PABPC4L: variants seen among roughly 807,000 people sequenced by gnomAD.
PABPC4L encodes the protein polyadenylate-binding protein 4-like.
For missense variants in PABPC4L, 452 were observed against 451.4 expected (o/e 1.00, Z -0.01); for synonymous variants, 169 against 164.1 (o/e 1.03, Z -0.23).
chr4:134,046,292 A>G, the PABPC4L span, among the ~76,000 whole-genome samples: 1 of 152,134 alleles, frequency 6.6e-6, no homozygotes. Flanking sequence ...AAGGGAAGGT[A>G]CTATGCCTGG....
chr4:133,953,334 GC>G, the PABPC4L span, among the ~76,000 whole-genome samples: 1 of 152,034 alleles, frequency 6.6e-6, no homozygotes, highest in Admixed American at 6.6e-5. Flanking sequence ...CATGATCTTT[GC>G]CTTTTGTTTC....
In PABPC4L at chr4:134,199,810, T is replaced by C. The variant is rs1476653234; in HGVS notation, c.*97A>G. 1.5e-5 allele frequency: 21 copies of C among 1,412,426 alleles called. 1 individual carries two copies. The highest frequency in any genetic ancestry group is 2.5e-5 in the East Asian group (1 of 39,736). The allele number at this position is 1,412,426 out of a possible 1,614,324, so 87.5% of individuals were successfully genotyped here. ...AGTTTACTAAACTAAGCACCCATCATGTGGAATATGAAATTTACTGAGGTC... is the reference window on the plus strand; with the variant it reads ...AGTTTACTAAACTAAGCACCCATCACGTGGAATATGAAATTTACTGAGGTC... On this transcript the variant is annotated 3_prime_UTR_variant, in exon 2 of 2. Transcript: ENST00000421491.
At chr4:133,950,088 G>A in the PABPC4L span, among the ~76,000 whole-genome samples, 1 of 152,128 alleles carries the variant, frequency 6.6e-6, no homozygotes, top group Admixed American at 6.6e-5. Context: ...GGATGCCAAG[G>A]GGTGTGGTAA....
At chr4:134,091,597 C>T in the PABPC4L span, among the ~76,000 whole-genome samples, 1 of 151,692 alleles carries the variant, frequency 6.6e-6, no homozygotes, top group South Asian at 2.1e-4. Flanking sequence ...CTGATATTTT[C>T]CTCTAAGTAA....
At chr4:134,063,382 T>C in the PABPC4L span, among the ~76,000 whole-genome samples, 1 of 151,994 alleles carries the variant, frequency 6.6e-6, no homozygotes, top group African/African-American at 2.4e-5. Flanking sequence ...TATAATTTCA[T>C]AATACAGTGC....
At chr4:134,185,230 CA>C in the PABPC4L span, among the ~76,000 whole-genome samples, 3 of 150,816 alleles carry the variant, frequency 2.0e-5, no homozygotes, top group Non-Finnish European at 4.4e-5. Context: ...CTCTCCACAA[CA>C]AAAAAAAGAG....
chr4:134,073,051 T>C, the PABPC4L span, among the ~76,000 whole-genome samples: 1 of 152,122 alleles, frequency 6.6e-6, no homozygotes, highest in African/African-American at 2.4e-5. Context: ...AAATCTCATG[T>C]CCTCACATTT....
the PABPC4L span, chr4:133,977,882 T>A: frequency 6.6e-6 from 1 of 152,220 alleles, no homozygotes; most frequent in Non-Finnish European, 1.5e-5. Context: ...ATCACTAATA[T>A]AACATTTGTT....
the PABPC4L span, among the ~76,000 whole-genome samples, chr4:133,961,889 T>C: frequency 6.6e-6 from 1 of 152,180 alleles, no homozygotes; most frequent in Non-Finnish European, 1.5e-5. Flanking sequence ...TTTGTCCTAA[T>C]TGTGCTGAAT....
chr4:134,178,919 C>G, the PABPC4L span, among the ~76,000 whole-genome samples: 1 of 152,054 alleles, frequency 6.6e-6, no homozygotes, highest in Non-Finnish European at 1.5e-5. Context: ...AAATTTATGA[C>G]TCACTGGCAT....
chr4:134,006,839 C>T, the PABPC4L span, among the ~76,000 whole-genome samples: 25 of 151,776 alleles, frequency 1.6e-4, no homozygotes, highest in African/African-American at 6.0e-4. Context: ...TGTAGTTTTA[C>T]TTATGTTTTC....
At chr4:134,146,022 A>G in the PABPC4L span, among the ~76,000 whole-genome samples, 1 of 151,996 alleles carries the variant, frequency 6.6e-6, no homozygotes, top group Non-Finnish European at 1.5e-5. Flanking sequence ...CTATCCTTTT[A>G]TAAGATATTA....
the PABPC4L span, among the ~76,000 whole-genome samples, chr4:134,024,883 C>G: frequency 1.4e-5 from 2 of 146,002 alleles, no homozygotes; most frequent in African/African-American, 5.1e-5. Flanking sequence ...GATTTTGTCA[C>G]CTTAACCTGC....
the PABPC4L span, among the ~76,000 whole-genome samples, chr4:133,988,189 A>C: frequency 6.6e-6 from 1 of 151,856 alleles, no homozygotes; most frequent in South Asian, 2.1e-4. Flanking sequence ...TCTCCCTCTA[A>C]CCCCTCCCAA....
At chr4:134,192,132 G>A (rs1729527278), downstream of PABPC4L, among the ~76,000 whole-genome samples, 1 of 152,024 alleles carries the variant, frequency 6.6e-6, no homozygotes. Flanking sequence ...TCCATCAAGT[G>A]ATATATGAAT....
chr4:134,055,662 G>T, the PABPC4L span, among the ~76,000 whole-genome samples: 11 of 118,338 alleles, frequency 9.3e-5, no homozygotes, highest in Non-Finnish European at 1.1e-4. Flanking sequence ...TTTTCTAATT[G>T]GATTGATAAT....
the PABPC4L span, among the ~76,000 whole-genome samples, chr4:134,078,963 C>T: frequency 5.7e-5 from 8 of 139,578 alleles, no homozygotes; most frequent in Admixed American, 2.2e-4. Flanking sequence ...CCACCGTGCC[C>T]GGGCTTTTTT....
At chr4:134,055,119 G>A in the PABPC4L span, among the ~76,000 whole-genome samples, 9 of 151,876 alleles carry the variant, frequency 5.9e-5, no homozygotes, top group Non-Finnish European at 1.3e-4. Context: ...GGATTTATAT[G>A]CTGATATGGA....
the PABPC4L span, among the ~76,000 whole-genome samples, chr4:134,012,463 A>C: frequency 6.6e-6 from 1 of 152,082 alleles, no homozygotes; most frequent in African/African-American, 2.4e-5. Context: ...CTTTGACTGT[A>C]ATTTTCCTTT....
Sources: allele counts gnomAD v4.1 joint callset (sites outside exome capture counted in the v4.1 genomes callset), GRCh38; gene constraint gnomAD v4.1.1; transcripts MANE v1.5; gene names NCBI Gene and HGNC (gene_info 2026-07-23, HGNC 2026-07-21).